SVOPL: variants seen among roughly 807,000 people sequenced by gnomAD.
The protein encoded by SVOPL is SVOP like.
SVOPL carries 60 observed loss-of-function variants against 61.0 expected under a neutral mutation model. That is an observed-to-expected ratio of 0.98 (90% CI 0.80 to 1.22). The LOEUF (loss-of-function observed/expected upper bound fraction) is 1.22. SVOPL is among the 50% of genes most tolerant of loss of function. The probability of loss-of-function intolerance (pLI) is 0.00; values close to 1 mark genes in which losing one functional copy is unlikely to be tolerated. For synonymous variants in SVOPL, 279 were observed against 250.0 expected, an observed-to-expected ratio of 1.12 and a Z score of -1.09; for missense variants, 662 against 643.9, an observed-to-expected ratio of 1.03 and a Z score of -0.30.
At chr7:138,643,087 C>T (rs1800908759) in intron 9 of SVOPL, among the ~76,000 whole-genome samples, 2 of 152,054 alleles carry the variant, frequency 1.3e-5, no homozygotes, top group Non-Finnish European at 2.9e-5. Context: ...AGAATTATCA[C>T]AGGATCCAGC....
chr7:138,642,876 T>C (rs183522323), intron 9 of SVOPL, among the ~76,000 whole-genome samples: 435 of 144,264 alleles, frequency 3.0e-3, no homozygotes, highest in Non-Finnish European at 5.0e-3. Flanking sequence ...TTAATAATAA[T>C]ATATATAACC....
chr7:138,611,861 G>A (rs1421059865), intron 14 of SVOPL, among the ~76,000 whole-genome samples: 16 of 75,730 alleles, frequency 2.1e-4, no homozygotes, highest in African/African-American at 3.1e-4. Flanking sequence ...CGAGATTGCA[G>A]CCTCTGCCCG....
chr7:138,622,121 T>G (rs867392930), intron 13 of SVOPL, among the ~76,000 whole-genome samples: 10 of 138,372 alleles, frequency 7.2e-5, no homozygotes, highest in African/African-American at 1.6e-4. Context: ...TATCTATCTA[T>G]GTATCTATCT....
At chr7:138,629,316 C>A (rs1453796873) in intron 10 of SVOPL, among the ~76,000 whole-genome samples, 1 of 151,684 alleles carries the variant, frequency 6.6e-6, no homozygotes, top group African/African-American at 2.4e-5. Flanking sequence ...CTGCAACCTC[C>A]ACCTCCTGGG....
chr7:138,612,447 T>TAA (rs59229265), intron 14 of SVOPL, among the ~76,000 whole-genome samples: 5 of 22,316 alleles, frequency 2.2e-4, no homozygotes, highest in African/African-American at 6.4e-4. Flanking sequence ...AAAAAAAAAA[T>TAA]AAAAAAAAAA....
chr7:138,594,387 A>G lies in SVOPL; in HGVS notation c.*223T>C. 1 of 332,464 alleles carries G rather than the reference A, an allele frequency of 3.0e-6. No homozygotes were observed. The highest frequency in any genetic ancestry group is 5.4e-6 in the Non-Finnish European group (1 of 184,394). 20.6% of individuals were successfully genotyped at this position (332,464 alleles called of 1,614,324 possible). On this transcript the variant is annotated 3_prime_UTR_variant, in exon 16 of 16. Transcript: ENST00000674285. The stretch of plus-strand genomic sequence containing the variant: ...ACCATCTCCCTCTCACACCCCTTTG[A>G]AAGCTTAAATTATATTTTATAAAAG...
In SVOPL at chr7:138,622,046, C is replaced by G. The variant is rs796267011; in HGVS notation, c.1264-911G>C. ...TCTATCTATCTATCTATGTATCTAT[C>G]TATCTATGTATCTATCTATCTATGT... is the stretch of plus-strand genomic sequence containing the variant. On this transcript the variant is annotated intron_variant, in intron 13 of 15. Coordinates refer to ENST00000674285, the MANE Select transcript of SVOPL (RefSeq NM_001139456.2). Among the ~76,000 whole-genome samples the G allele has an allele frequency of 3.3e-4, 23 of 68,692 alleles. 1 individual carries two copies. The highest frequency in any genetic ancestry group is 4.7e-4 in the Non-Finnish European group (17 of 36,004). The allele number at this position is 68,692 out of a possible 152,430, so 45.1% of individuals were successfully genotyped here.
intron 3 of SVOPL, among the ~76,000 whole-genome samples, chr7:138,676,253 T>C (rs1253217565): frequency 6.6e-6 from 1 of 152,250 alleles, no homozygotes; most frequent in East Asian, 1.9e-4. Context: ...CATTCTTCTT[T>C]CTTCAAAATA....
At chr7:138,696,730 G>A (rs528284435) in intron 1 of SVOPL, among the ~76,000 whole-genome samples, 18 of 152,104 alleles carry the variant, frequency 1.2e-4, no homozygotes, top group South Asian at 6.2e-4. Flanking sequence ...TGGTCTGCCC[G>A]GCTAATTTTT....
intron 4 of SVOPL, among the ~76,000 whole-genome samples, chr7:138,666,684 A>C (rs1802272126): frequency 6.6e-6 from 1 of 152,196 alleles, no homozygotes; most frequent in African/African-American, 2.4e-5. Context: ...CAGAGAGTGC[A>C]CAAACTGTTT....
intron 14 of SVOPL, chr7:138,597,100 A>ATG (rs1462988583): frequency 4.0e-6 from 5 of 1,256,770 alleles, no homozygotes; most frequent in African/African-American, 3.1e-5. Context: ...ATCTGTACAC[A>ATG]TGCTTTGGCC....
intron 12 of SVOPL, among the ~76,000 whole-genome samples, chr7:138,626,977 G>C (rs1276857699): frequency 6.6e-6 from 1 of 152,162 alleles, no homozygotes; most frequent in East Asian, 1.9e-4. Context: ...AGTGAAATGA[G>C]CAGAAGGCAC....
intron 13 of SVOPL, among the ~76,000 whole-genome samples, chr7:138,625,606 CAA>C (rs748808745): frequency 1.3e-5 from 2 of 152,046 alleles, no homozygotes; most frequent in African/African-American, 2.4e-5. Context: ...AGGGATCTTC[CAA>C]AAGAGTAAAA....
At chr7:138,621,321 G>A (rs551287555) in intron 13 of SVOPL, among the ~76,000 whole-genome samples, 186 bp from the exon 14 acceptor site, 5 of 152,224 alleles carry the variant, frequency 3.3e-5, no homozygotes, top group East Asian at 1.9e-4. Flanking sequence ...CAATATCAGC[G>A]AAAAATAAAC....
At chr7:138,616,841 C>T (rs1027111020) in intron 14 of SVOPL, among the ~76,000 whole-genome samples, 2 of 152,160 alleles carry the variant, frequency 1.3e-5, no homozygotes, top group Admixed American at 6.5e-5. Context: ...GGCTAGAGTG[C>T]AGTGGTGCAA....
At chr7:138,666,229 AG>A (rs1802257240) in intron 4 of SVOPL, among the ~76,000 whole-genome samples, 1 of 152,244 alleles carries the variant, frequency 6.6e-6, no homozygotes, top group East Asian at 1.9e-4. Context: ...GCCATGGCAC[AG>A]GAATTCCCAG....
At chr7:138,622,010 CTATCTATG>C (rs1563095912) in intron 13 of SVOPL, among the ~76,000 whole-genome samples, 32 of 46,202 alleles carry the variant, frequency 6.9e-4, no homozygotes, top group African/African-American at 2.5e-3. Flanking sequence ...ATCTATGTAT[CTATCTATG>C]TATCTATCTA....
intron 9 of SVOPL, among the ~76,000 whole-genome samples, chr7:138,631,935 T>A (rs1411416101): frequency 6.9e-6 from 1 of 144,064 alleles, no homozygotes. Flanking sequence ...CAGACTGCCA[T>A]GGCTCAGTCC....
intron 7 of SVOPL, among the ~76,000 whole-genome samples, chr7:138,652,896 G>A (rs895585128): frequency 7.9e-5 from 12 of 152,210 alleles, no homozygotes; most frequent in African/African-American, 2.7e-4. Context: ...AAAGTGCTGG[G>A]ATTACAGGCG....
Sources: allele counts gnomAD v4.1 joint callset (sites outside exome capture counted in the v4.1 genomes callset), GRCh38; gene constraint gnomAD v4.1.1; transcripts MANE v1.5; gene names NCBI Gene and HGNC (gene_info 2026-07-23, HGNC 2026-07-21).